SNX14: variants seen among roughly 807,000 people sequenced by gnomAD.
The protein encoded by SNX14 is sorting nexin-14.
A neutral mutation model predicts 133.8 loss-of-function variants in SNX14; 93 were observed. That is an observed-to-expected ratio of 0.70 (90% CI 0.59 to 0.83). SNX14 has a LOEUF of 0.83. Ranked by LOEUF, SNX14 falls within the 40% of genes least tolerant of loss-of-function variation. The probability of loss-of-function intolerance (pLI) is 0.00; values close to 1 mark genes in which losing one functional copy is unlikely to be tolerated. For synonymous variants in SNX14, 368 were observed against 365.6 expected (o/e 1.01, Z -0.07); for missense variants, 945 against 1,094.9 (o/e 0.86, Z 1.93).
intron 12 of SNX14, among the ~76,000 whole-genome samples, chr6:85,545,013 C>T (rs772700286): frequency 2.0e-5 from 3 of 152,042 alleles, no homozygotes; most frequent in Non-Finnish European, 4.4e-5. Flanking sequence ...ATAGCCTATG[C>T]AGAATTAAAA....
At chr6:85,530,327 A>G in intron 18 of SNX14, 52 bp from the exon 19 acceptor site, 2 of 1,148,478 alleles carry the variant, frequency 1.7e-6, no homozygotes, top group Non-Finnish European at 2.5e-6. Context: ...AAAACCTAAA[A>G]GAATGCCATA....
At chr6:85,566,403 T>A (rs1562355053) in intron 5 of SNX14, among the ~76,000 whole-genome samples, 4 of 152,106 alleles carry the variant, frequency 2.6e-5, no homozygotes, top group African/African-American at 9.6e-5. Flanking sequence ...TTTTTTTTTT[T>A]AATTAGAAAT....
intron 9 of SNX14, 138 bp downstream of exon 9, chr6:85,548,163 G>A (rs1786377866): frequency 1.6e-6 from 1 of 630,724 alleles, no homozygotes; most frequent in Non-Finnish European, 2.8e-6. Context: ...AAGAGTTCTG[G>A]AGATGGGGAA....
At chr6:85,536,996 A>AC (rs1554228822) in intron 16 of SNX14, 72 bp from the exon 17 acceptor site, 4 of 1,347,286 alleles carry the variant, frequency 3.0e-6, no homozygotes, top group African/African-American at 2.9e-5. Context: ...GAAAACCATT[A>AC]TTAAAAAAAA....
At chr6:85,531,477 C>T (rs980648598) in intron 18 of SNX14, among the ~76,000 whole-genome samples, 2 of 152,180 alleles carry the variant, frequency 1.3e-5, no homozygotes, top group African/African-American at 4.8e-5. Context: ...TCCAAAACAA[C>T]ACTTCTTTCT....
At chr6:85,582,464 AC>A (rs757662681) in intron 1 of SNX14, among the ~76,000 whole-genome samples, 3 of 152,072 alleles carry the variant, frequency 2.0e-5, no homozygotes, top group Non-Finnish European at 2.9e-5. Context: ...CACAAAAAAA[AC>A]CTTCAAAAAA....
At chr6:85,521,936 G>A (rs1167757772) in intron 21 of SNX14, among the ~76,000 whole-genome samples, 2 of 152,100 alleles carry the variant, frequency 1.3e-5, no homozygotes, top group Non-Finnish European at 2.9e-5. Flanking sequence ...ATTGATAGTG[G>A]TCTAGTTTCA....
At chr6:85,572,236 T>A in intron 3 of SNX14, 21 bp from the exon 4 acceptor site, 1 of 1,612,598 alleles carries the variant, frequency 6.2e-7, no homozygotes, top group Non-Finnish European at 8.5e-7. Context: ...ATTATACAAC[T>A]AAATCACTTG....
intron 6 of SNX14, among the ~76,000 whole-genome samples, 153 bp downstream of exon 6, chr6:85,565,179 A>C (rs1387485874): frequency 6.6e-6 from 1 of 152,158 alleles, no homozygotes; most frequent in Non-Finnish European, 1.5e-5. Flanking sequence ...ATTTTCCATG[A>C]TGTGATTATT....
chr6:85,548,454 C>T (rs967526802), intron 8 of SNX14, 78 bp from the exon 9 acceptor site: 23 of 1,084,882 alleles, frequency 2.1e-5, no homozygotes, highest in Middle Eastern at 3.0e-4. Flanking sequence ...ATGTGAATTA[C>T]GTAAGGATCT....
Position 85,548,987 on chromosome 6 carries a change from AAG to A in SNX14, c.792-613_792-612del, listed in dbSNP as rs1491379988. Among the ~76,000 whole-genome samples, 198 of 87,426 alleles carry A rather than the reference AAG, an allele frequency of 2.3e-3. 1 individual carries two copies. The highest frequency in any genetic ancestry group is 3.2e-3 in the Admixed American group (22 of 6,828). 57.4% of individuals were successfully genotyped at this position (87,426 alleles called of 152,430 possible). The stretch of plus-strand genomic sequence containing the variant: ...GTCTCAAAAATAATTAAAAAAAAAA[AAG>A]AAAGAAAGAAAATACTTTCTATCTA... On this transcript the variant is annotated intron_variant, in intron 8 of 28. Transcript: ENST00000314673.
intron 1 of SNX14, among the ~76,000 whole-genome samples, chr6:85,593,008 C>A (rs1003231890): frequency 6.6e-6 from 1 of 152,078 alleles, no homozygotes; most frequent in Non-Finnish European, 1.5e-5. Context: ...AGCGAGACTC[C>A]GTCTCAAAAA....
chr6:85,547,468 T>G (rs1582825419), intron 10 of SNX14, 38 bp downstream of exon 10: 5 of 1,604,832 alleles, frequency 3.1e-6, no homozygotes, highest in Non-Finnish European at 3.4e-6. Flanking sequence ...CAAAATTCAA[T>G]GCAATCTGAA....
chr6:85,574,277 G>A lies in SNX14; in HGVS notation c.242C>T (p.Thr81Ile). Reference protein sequence around the residue: ...PDSLLPNIFFTIKYKPKQLGL... With the variant: ...PDSLLPNIFFIIKYKPKQLGL... ...TTTTACCTTGGGTTTGTATTTTATT[G>A]TGAAGAATATATTTGGTAAGAGAGA... Residue 81 changes from threonine (T) to isoleucine (I), a missense_variant, in exon 2 of 29, where the codon ACA (threonine) becomes ATA (isoleucine). Transcript: ENST00000314673. 6.3e-7 allele frequency: 1 copy of A among 1,588,460 alleles called. No homozygotes were observed. The highest frequency in any genetic ancestry group is 8.6e-7 in the Non-Finnish European group (1 of 1,162,362).
At chr6:85,551,689 CTT>C (rs1787892129) in intron 7 of SNX14, among the ~76,000 whole-genome samples, 1 of 152,334 alleles carries the variant, frequency 6.6e-6, no homozygotes, top group African/African-American at 2.4e-5. Context: ...AACAAAGTCT[CTT>C]TACTCTCAAA....
intron 27 of SNX14, among the ~76,000 whole-genome samples, chr6:85,507,635 C>T (rs916052338): frequency 6.6e-6 from 1 of 151,898 alleles, no homozygotes; most frequent in Non-Finnish European, 1.5e-5. Context: ...TTTACATAAA[C>T]CATAAACATA....
At chr6:85,517,356 A>G (rs762690464) in intron 23 of SNX14, among the ~76,000 whole-genome samples, 16 of 152,220 alleles carry the variant, frequency 1.1e-4, no homozygotes, top group Non-Finnish European at 2.1e-4. Flanking sequence ...AATCGTAGGC[A>G]TGTAATAAAA....
intron 1 of SNX14, among the ~76,000 whole-genome samples, chr6:85,577,323 C>T (rs1010308357): frequency 1.1e-4 from 16 of 152,154 alleles, no homozygotes; most frequent in African/African-American, 3.9e-4. Context: ...GAAGGTGAGG[C>T]AGGAGAATTG....
At chr6:85,588,575 C>CTAAATAAATAAA (rs145183684) in intron 1 of SNX14, among the ~76,000 whole-genome samples, 43,807 of 148,828 alleles carry the variant, frequency 0.29, 7,276 homozygotes, top group East Asian at 0.56. Flanking sequence ...GACTCCGTCT[C>CTAAATAAATAAA]TAAATAAATA....
Sources: gnomAD v4.1 joint callset for allele counts (sites outside exome capture counted in the v4.1 genomes callset) on GRCh38, gnomAD v4.1.1 for gene constraint, MANE v1.5 for transcripts, NCBI Gene and HGNC (gene_info 2026-07-23, HGNC 2026-07-21) for gene names.